Variants in PRUNE2 observed in about 807,000 individuals in gnomAD.
PRUNE2 encodes the protein prune homolog 2 with BCH domain, also known as protein prune homolog 2.
A neutral mutation model predicts 252.0 loss-of-function variants in PRUNE2; 164 were observed. The ratio of observed to expected loss-of-function variants is 0.65; its 90% CI spans 0.57 to 0.74. The LOEUF (loss-of-function observed/expected upper bound fraction) is 0.74. PRUNE2 is among the 30% of genes least tolerant of loss of function. PRUNE2 has a pLI of 0.00. For missense variants in PRUNE2, 3,495 were observed against 3,711.0 expected (o/e 0.94, Z 1.51); for synonymous variants, 1,292 against 1,350.2 (o/e 0.96, Z 0.94).
intron 6 of PRUNE2, among the ~76,000 whole-genome samples, chr9:76,791,593 A>G (rs1261456255): frequency 6.8e-6 from 1 of 147,744 alleles, no homozygotes; most frequent in Non-Finnish European, 1.5e-5. Context: ...ATAATACTGC[A>G]CCAATTATCA....
intron 6 of PRUNE2, among the ~76,000 whole-genome samples, chr9:76,736,195 T>C (rs2049060250): frequency 6.6e-6 from 1 of 152,134 alleles, no homozygotes; most frequent in Non-Finnish European, 1.5e-5. Flanking sequence ...TTTTTCTATA[T>C]ACTTATTTTC....
chr9:76,707,331 T>C lies in PRUNE2; in HGVS notation c.4943A>G (p.His1648Arg). 6.2e-7 allele frequency: 1 copy of C among 1,613,980 alleles called. No homozygotes were observed. Among genetic ancestry groups the C allele is most frequent in the East Asian group, 2.2e-5 (1 of 44,884 alleles). ...SSPETGKYSE[H>R]SGTHQESNLI... ...ATTGCTTTCCTGATGTGTCCCTGAATGTTCAGAATATTTGCCTGTTTCAGG... is the reference window on the plus strand; with the variant it reads ...ATTGCTTTCCTGATGTGTCCCTGAACGTTCAGAATATTTGCCTGTTTCAGG... Residue 1648 changes from histidine to arginine, a missense_variant, in exon 8 of 19, where the codon CAT (histidine) becomes CGT (arginine). Coordinates refer to ENST00000376718, the MANE Select transcript of PRUNE2 (RefSeq NM_015225.3).
rs571619452 is a variant in PRUNE2, at chr9:76,902,946, T to C, written c.36+2982A>G. On this transcript the variant is annotated intron_variant, in intron 1 of 18. Transcript: ENST00000376718. ...TTATGTCAGTGAATCTGCCTCAATT[T>C]AAAGAGTAGTAGGGCCAGACTGGGA... Among the ~76,000 whole-genome samples the C allele has an allele frequency of 3.9e-5, 6 of 152,304 alleles. No individual in the cohort carries two copies. The South Asian group carries it at 1.0e-3, about 26-fold the overall frequency.
At chr9:76,767,511 C>T (rs530680459) in intron 6 of PRUNE2, among the ~76,000 whole-genome samples, 4 of 152,140 alleles carry the variant, frequency 2.6e-5, no homozygotes, top group African/African-American at 9.6e-5. Flanking sequence ...CTTTCCACTT[C>T]TTCCTTGCCC....
At chr9:76,825,797 C>T (rs2058312862) in intron 5 of PRUNE2, among the ~76,000 whole-genome samples, 1 of 152,130 alleles carries the variant, frequency 6.6e-6, no homozygotes, top group Non-Finnish European at 1.5e-5. Context: ...AGTAGGTATC[C>T]AGTGAATTAT....
intron 6 of PRUNE2, chr9:76,780,032 T>G (rs958208154): frequency 3.3e-5 from 5 of 152,352 alleles, no homozygotes; most frequent in Admixed American, 2.6e-4. Context: ...GACCCTTGAT[T>G]TCATATGTAG....
chr9:76,792,903 C>T (rs1364117603), intron 6 of PRUNE2, among the ~76,000 whole-genome samples: 1 of 152,212 alleles, frequency 6.6e-6, no homozygotes, highest in Non-Finnish European at 1.5e-5. Flanking sequence ...GTACAGTATT[C>T]ATGATATGCT....
chr9:76,856,194 A>G (rs2060240365), intron 1 of PRUNE2, among the ~76,000 whole-genome samples: 2 of 152,190 alleles, frequency 1.3e-5, no homozygotes, highest in South Asian at 2.1e-4. Context: ...CCAGAATCCC[A>G]CAGCACAGTG....
At chr9:76,825,000 A>G (rs1478800164) in intron 5 of PRUNE2, among the ~76,000 whole-genome samples, 1 of 152,102 alleles carries the variant, frequency 6.6e-6, no homozygotes, top group African/African-American at 2.4e-5. Flanking sequence ...AGAAGGTGCA[A>G]TGGACGCTGC....
chr9:76,737,395 C>T (rs2049171096), intron 6 of PRUNE2: 1 of 152,190 alleles, frequency 6.6e-6, no homozygotes, highest in Middle Eastern at 3.2e-3. Context: ...TTTATAGACA[C>T]CGCTGCAGGG....
At chr9:76,863,011 A>G (rs1481645370) in intron 1 of PRUNE2, 1 of 152,232 alleles carries the variant, frequency 6.6e-6, no homozygotes, top group Non-Finnish European at 1.5e-5. Flanking sequence ...TGAATGAGTG[A>G]ATGATGATAA....
At chr9:76,662,591 G>A (rs1240343593) in intron 9 of PRUNE2, among the ~76,000 whole-genome samples, 10 of 152,210 alleles carry the variant, frequency 6.6e-5, no homozygotes, top group Admixed American at 6.5e-4. Context: ...AGTGAGCCAA[G>A]AGCTGGCACA....
chr9:76,668,298 G>A (rs1208971780), intron 9 of PRUNE2, among the ~76,000 whole-genome samples: 2 of 152,170 alleles, frequency 1.3e-5, no homozygotes. Flanking sequence ...TGATGATCAT[G>A]CAAACACGAA....
intron 1 of PRUNE2, among the ~76,000 whole-genome samples, chr9:76,869,896 T>C (rs1157946502): frequency 1.3e-5 from 2 of 152,224 alleles, no homozygotes; most frequent in African/African-American, 4.8e-5. Flanking sequence ...AGCCCCTCAA[T>C]TGGAAAATTT....
At chr9:76,812,048 A>C (rs534874602) in intron 6 of PRUNE2, among the ~76,000 whole-genome samples, 1 of 152,340 alleles carries the variant, frequency 6.6e-6, no homozygotes, top group Admixed American at 6.5e-5. Context: ...AAAATCCATG[A>C]TGTTGTCCAG....
At chr9:76,766,582 G>A (rs555002362) in intron 6 of PRUNE2, among the ~76,000 whole-genome samples, 69 of 152,170 alleles carry the variant, frequency 4.5e-4, no homozygotes, top group Non-Finnish European at 8.2e-4. Flanking sequence ...CACTTTTTCT[G>A]GGAATCTTGC....
At position 76,637,680 on chromosome 9, in the gene PRUNE2, G is replaced by T; in HGVS notation, c.8832-131C>A. 3 of 730,200 alleles carry T rather than the reference G, an allele frequency of 4.1e-6. No individual in the cohort carries two copies. In the East Asian group the frequency reaches 8.3e-5, roughly 20 times the overall value. 45.2% of individuals were successfully genotyped at this position (730,200 alleles called of 1,614,324 possible). ...GCATATTACCTCTTTACCTTGGGAAGAATACAATTACCTAAGAGCATTCCT... is the reference window on the plus strand; with the variant it reads ...GCATATTACCTCTTTACCTTGGGAATAATACAATTACCTAAGAGCATTCCT... On this transcript the variant is annotated intron_variant, in intron 13 of 18. Coordinates refer to ENST00000376718, the MANE Select transcript of PRUNE2 (RefSeq NM_015225.3).
At chr9:76,836,078 T>C (rs1238437402) in intron 4 of PRUNE2, among the ~76,000 whole-genome samples, 3 of 152,000 alleles carry the variant, frequency 2.0e-5, no homozygotes, top group Non-Finnish European at 4.4e-5. Flanking sequence ...GGCTGAAACC[T>C]CATTGCCAGC....
At chr9:76,780,308 T>C (rs956689124) in intron 6 of PRUNE2, among the ~76,000 whole-genome samples, 7 of 151,868 alleles carry the variant, frequency 4.6e-5, no homozygotes, top group African/African-American at 1.7e-4. Flanking sequence ...CAGAGAGAAG[T>C]GAAAAATATC....
Sources: allele counts gnomAD v4.1 joint callset (sites outside exome capture counted in the v4.1 genomes callset), GRCh38; gene constraint gnomAD v4.1.1; transcripts MANE v1.5; gene names NCBI Gene and HGNC (gene_info 2026-07-23, HGNC 2026-07-21).